The following SOX5 variants were observed in gnomAD, a reference collection of about 807,000 sequenced individuals.
SOX5 encodes SRY-box transcription factor 5.
SOX5 carries 9 observed loss-of-function variants against 92.0 expected under a neutral mutation model. The observed-to-expected ratio is 0.10, with a 90% confidence interval of 0.06 to 0.17. The LOEUF (loss-of-function observed/expected upper bound fraction) is 0.17, where lower values mean the gene tolerates loss of function less well. Among genes scored for constraint, SOX5 ranks in the 10% least tolerant of loss-of-function variants. The pLI, the probability that SOX5 is intolerant of heterozygous loss-of-function variation, is 1.00. For synonymous variants in SOX5, 344 were observed against 336.3 expected, an observed-to-expected ratio of 1.02 and a Z score of -0.25; for missense variants, 642 against 944.5, an observed-to-expected ratio of 0.68 and a Z score of 4.20.
chr12:24,217,048 T>A (rs1261521735), intron 3 of SOX5, among the ~76,000 whole-genome samples: 1 of 152,252 alleles, frequency 6.6e-6, no homozygotes, highest in Non-Finnish European at 1.5e-5. Context: ...CTCCAGATTA[T>A]TCCAGACATA....
chr12:24,302,021 A>G (rs1329533547), intron 2 of SOX5, among the ~76,000 whole-genome samples: 1 of 152,140 alleles, frequency 6.6e-6, no homozygotes, highest in Non-Finnish European at 1.5e-5. Flanking sequence ...TAAAATCTCA[A>G]TATCTTTAGT....
At chr12:23,670,553 A>T (rs1299092225) in intron 6 of SOX5, among the ~76,000 whole-genome samples, 1 of 152,144 alleles carries the variant, frequency 6.6e-6, no homozygotes, top group Non-Finnish European at 1.5e-5. Flanking sequence ...AGGTGGAGCA[A>T]TCAGTTTAGA....
chr12:24,156,882 G>T (rs1471005135), intron 4 of SOX5, among the ~76,000 whole-genome samples: 1 of 152,046 alleles, frequency 6.6e-6, no homozygotes, highest in Non-Finnish European at 1.5e-5. Flanking sequence ...GGTAAATAAT[G>T]GTGTTTTATC....
intron 2 of SOX5, among the ~76,000 whole-genome samples, chr12:24,347,242 G>A (rs1953412447): frequency 6.6e-6 from 1 of 152,150 alleles, no homozygotes; most frequent in Non-Finnish European, 1.5e-5. Context: ...GTATTTGCTA[G>A]TATATGTTAA....
intron 1 of SOX5, among the ~76,000 whole-genome samples, chr12:24,440,946 C>G (rs1371630232): frequency 2.0e-5 from 3 of 152,202 alleles, no homozygotes; most frequent in Admixed American, 6.5e-5. Flanking sequence ...GAAACCAAGA[C>G]TTTGCCATGA....
chr12:23,640,165 G>A (rs1410360582), intron 8 of SOX5, among the ~76,000 whole-genome samples: 5 of 152,192 alleles, frequency 3.3e-5, no homozygotes, highest in Non-Finnish European at 5.9e-5. Flanking sequence ...TACTATAATT[G>A]TATTGATTTT....
chr12:23,701,226 T>C (rs548152889), intron 6 of SOX5, among the ~76,000 whole-genome samples: 43 of 152,200 alleles, frequency 2.8e-4, no homozygotes, highest in Non-Finnish European at 4.9e-4. Flanking sequence ...AAAACTGTGG[T>C]AGTGCTCAGT....
chr12:23,668,185 CGAATTCAATGTTAAT>C (rs1293404138), intron 6 of SOX5, among the ~76,000 whole-genome samples: 4 of 152,066 alleles, frequency 2.6e-5, no homozygotes, highest in Admixed American at 2.6e-4. Flanking sequence ...CTGTTGGCTG[CGAATTCAATGTTAAT>C]GAATCAGTAA....
intron 4 of SOX5, among the ~76,000 whole-genome samples, chr12:24,095,559 C>T (rs1945301970): frequency 6.6e-6 from 1 of 152,000 alleles, no homozygotes; most frequent in Non-Finnish European, 1.5e-5. Context: ...CTTGGAATCA[C>T]TTTGAATGTA....
At chr12:24,535,788 T>C (rs531732577) in intron 1 of SOX5, among the ~76,000 whole-genome samples, 1 of 152,314 alleles carries the variant, frequency 6.6e-6, no homozygotes, top group South Asian at 2.1e-4. Flanking sequence ...CAAAGTTCAG[T>C]TCCTGATAGA....
intron 2 of SOX5, among the ~76,000 whole-genome samples, chr12:24,292,904 T>C (rs1946780605): frequency 6.6e-6 from 1 of 152,206 alleles, no homozygotes; most frequent in African/African-American, 2.4e-5. Context: ...AGATGACCTC[T>C]GGCCCTAAAA....
chr12:24,167,793 AT>A (rs1953595807), intron 4 of SOX5, among the ~76,000 whole-genome samples: 1 of 152,124 alleles, frequency 6.6e-6, no homozygotes, highest in Non-Finnish European at 1.5e-5. Flanking sequence ...GTCAATCACT[AT>A]TTTCTTTACT....
chr12:24,030,153 T>C (rs541520252), intron 4 of SOX5, among the ~76,000 whole-genome samples: 2 of 152,076 alleles, frequency 1.3e-5, no homozygotes, highest in South Asian at 2.1e-4. Flanking sequence ...TGTGGCTATA[T>C]TATGCCAACT....
chr12:23,998,127 G>C (rs1043311059), intron 4 of SOX5, among the ~76,000 whole-genome samples: 1 of 152,028 alleles, frequency 6.6e-6, no homozygotes, highest in African/African-American at 2.4e-5. Context: ...TGTCAGACTT[G>C]CCTAACAAAA....
chr12:23,949,982 T>C (rs1043380076), upstream of SOX5, among the ~76,000 whole-genome samples: 1 of 151,724 alleles, frequency 6.6e-6, no homozygotes, highest in Admixed American at 6.6e-5. Context: ...TAGACATCAC[T>C]GAATGTGAGA....
chr12:24,381,025 T>C (rs958747699), intron 1 of SOX5, among the ~76,000 whole-genome samples: 1 of 152,210 alleles, frequency 6.6e-6, no homozygotes, highest in Non-Finnish European at 1.5e-5. Context: ...AATCCTTACT[T>C]GAGGGGCACT....
At chr12:23,930,056 T>G (rs1369656541) in intron 1 of SOX5, among the ~76,000 whole-genome samples, 6 of 151,790 alleles carry the variant, frequency 4.0e-5, no homozygotes, top group Non-Finnish European at 7.4e-5. Flanking sequence ...GGAGCTCCCT[T>G]TCTCACCCCT....
chr12:23,585,897 C>T (rs73089384), intron 9 of SOX5, among the ~76,000 whole-genome samples: 13,287 of 152,020 alleles, frequency 0.087, 804 homozygotes, highest in South Asian at 0.16. Flanking sequence ...CCAGGTAAAC[C>T]CCATTTGCAT....
chr12:23,967,267 C>A (rs192011811), intron 4 of SOX5, among the ~76,000 whole-genome samples: 236 of 152,060 alleles, frequency 1.6e-3, no homozygotes, highest in Middle Eastern at 3.4e-3. Context: ...TGAAAAATAT[C>A]TCTGTTTAAA....
Sources: allele counts gnomAD v4.1 joint callset (sites outside exome capture counted in the v4.1 genomes callset), GRCh38; gene constraint gnomAD v4.1.1; transcripts MANE v1.5; gene names NCBI Gene and HGNC (gene_info 2026-07-23, HGNC 2026-07-21).